Variants in DPP10 observed in about 807,000 individuals in gnomAD.
The protein encoded by DPP10 is inactive dipeptidyl peptidase 10.
In DPP10, 33 loss-of-function variants were observed where a neutral mutation model predicts 120.9. That is an observed-to-expected ratio of 0.27 (90% CI 0.21 to 0.37). The LOEUF is 0.37. Among genes scored for constraint, DPP10 ranks in the 10% least tolerant of loss-of-function variants. The pLI is 1.00. For missense variants in DPP10, 816 were observed against 942.8 expected (o/e 0.87, Z 1.76); for synonymous variants, 337 against 326.1 (o/e 1.03, Z -0.36).
chr2:114,642,254 A>T (rs760667582), intron 1 of DPP10, among the ~76,000 whole-genome samples: 6 of 152,082 alleles, frequency 3.9e-5, no homozygotes, highest in South Asian at 4.1e-4. Context: ...GTCATTATAC[A>T]GTCATGAAAA....
intron 3 of DPP10, among the ~76,000 whole-genome samples, chr2:115,360,154 T>G (rs918503329): frequency 1.3e-5 from 2 of 152,234 alleles, no homozygotes; most frequent in African/African-American, 4.8e-5. Context: ...CTAGTGTGAT[T>G]GTTTTGAGGT....
chr2:114,830,522 C>T (rs757162617), intron 1 of DPP10, among the ~76,000 whole-genome samples: 1 of 152,188 alleles, frequency 6.6e-6, no homozygotes, highest in East Asian at 1.9e-4. Flanking sequence ...TCTATTTATA[C>T]ACAACTTACA....
At chr2:115,786,449 AT>A (rs1023967042) in intron 17 of DPP10, among the ~76,000 whole-genome samples, 13 of 151,554 alleles carry the variant, frequency 8.6e-5, no homozygotes, top group African/African-American at 2.4e-5. Flanking sequence ...ATTTTATTTT[AT>A]TTTTTTTCTG....
intron 1 of DPP10, among the ~76,000 whole-genome samples, chr2:114,694,379 A>C (rs1406951311): frequency 6.6e-6 from 1 of 151,974 alleles, no homozygotes; most frequent in African/African-American, 2.4e-5. Context: ...TGATGAAGCA[A>C]GTATTCTTAT....
At chr2:115,444,378 CA>C (rs2072372056) in intron 3 of DPP10, among the ~76,000 whole-genome samples, 1 of 152,086 alleles carries the variant, frequency 6.6e-6, no homozygotes, top group Admixed American at 6.5e-5. Context: ...CTGCACTTTC[CA>C]AAGATCTTTG....
At chr2:115,482,333 G>A (rs1348518811) in intron 3 of DPP10, among the ~76,000 whole-genome samples, 1 of 151,220 alleles carries the variant, frequency 6.6e-6, no homozygotes, top group Non-Finnish European at 1.5e-5. Flanking sequence ...TAGTATAGGG[G>A]AACAAATTAG....
chr2:115,827,410 G>A (rs907249641), intron 21 of DPP10, among the ~76,000 whole-genome samples: 1 of 97,252 alleles, frequency 1.0e-5, no homozygotes, highest in Non-Finnish European at 2.1e-5. Flanking sequence ...GTGTATGTGT[G>A]TGTGTATATA....
chr2:115,666,703 G>C (rs756099788), intron 5 of DPP10, among the ~76,000 whole-genome samples: 1 of 152,164 alleles, frequency 6.6e-6, no homozygotes, highest in Admixed American at 6.5e-5. Flanking sequence ...ATTGGGAATA[G>C]TGTTGTGATG....
At chr2:114,790,190 C>T (rs1184590097) in intron 1 of DPP10, among the ~76,000 whole-genome samples, 1 of 152,198 alleles carries the variant, frequency 6.6e-6, no homozygotes, top group Non-Finnish European at 1.5e-5. Context: ...CCCGCATCAG[C>T]ACTTAGTGGA....
intron 1 of DPP10, among the ~76,000 whole-genome samples, chr2:114,625,145 A>C (rs1694414201): frequency 6.6e-6 from 1 of 151,954 alleles, no homozygotes; most frequent in Non-Finnish European, 1.5e-5. Context: ...ACATTGCTAA[A>C]GTCTTTCTTG....
intron 1 of DPP10, among the ~76,000 whole-genome samples, chr2:114,840,097 CA>C (rs756483233): frequency 7.3e-4 from 111 of 152,242 alleles, no homozygotes; most frequent in Non-Finnish European, 1.2e-3. Flanking sequence ...TGTGAAACAG[CA>C]AACAGTTGTT....
At chr2:115,792,297 T>A (rs776235830) in intron 19 of DPP10, among the ~76,000 whole-genome samples, 10 of 152,110 alleles carry the variant, frequency 6.6e-5, no homozygotes, top group Non-Finnish European at 1.5e-4. Flanking sequence ...ATACAACATA[T>A]AAAGTCCCTT....
At chr2:114,502,229 A>T (rs62173075) in intron 1 of DPP10, among the ~76,000 whole-genome samples, 4 of 152,142 alleles carry the variant, frequency 2.6e-5, no homozygotes, top group Non-Finnish European at 4.4e-5. Context: ...CTGGGATAAC[A>T]GGCGTGAGCC....
intron 1 of DPP10, among the ~76,000 whole-genome samples, chr2:115,014,748 G>C (rs1271431524): frequency 6.6e-6 from 1 of 151,698 alleles, no homozygotes; most frequent in South Asian, 2.1e-4. Context: ...TAGAAGAAAT[G>C]GATAAATTCC....
intron 19 of DPP10, among the ~76,000 whole-genome samples, chr2:115,795,850 A>G (rs1001695068): frequency 3.3e-5 from 5 of 152,108 alleles, no homozygotes; most frequent in African/African-American, 1.2e-4. Context: ...TATCTGGATG[A>G]CTGAACTCTA....
chr2:115,052,399 A>G (rs1705565248), intron 1 of DPP10, among the ~76,000 whole-genome samples: 1 of 152,174 alleles, frequency 6.6e-6, no homozygotes, highest in East Asian at 1.9e-4. Context: ...GACCCATGAA[A>G]TGAGAAATAA....
At chr2:115,381,802 G>A (rs1042694357) in intron 3 of DPP10, among the ~76,000 whole-genome samples, 7 of 149,984 alleles carry the variant, frequency 4.7e-5, no homozygotes, top group African/African-American at 1.7e-4. Flanking sequence ...GTCTGTTGGA[G>A]TACCCGGCCC....
chr2:115,014,064 C>T (rs1016885004), intron 1 of DPP10, among the ~76,000 whole-genome samples: 1 of 152,154 alleles, frequency 6.6e-6, no homozygotes, highest in African/African-American at 2.4e-5. Flanking sequence ...CCACATCACA[C>T]CTATTCTAAA....
At chr2:114,772,931 G>A (rs952663761) in intron 1 of DPP10, among the ~76,000 whole-genome samples, 4 of 152,112 alleles carry the variant, frequency 2.6e-5, no homozygotes, top group African/African-American at 7.2e-5. Context: ...CTTCCCCAAA[G>A]TATTATCTTC....
Sources: gnomAD v4.1 joint callset for allele counts (sites outside exome capture counted in the v4.1 genomes callset) on GRCh38, gnomAD v4.1.1 for gene constraint, MANE v1.5 for transcripts, NCBI Gene and HGNC (gene_info 2026-07-23, HGNC 2026-07-21) for gene names.